Variants in GSE1 observed in about 807,000 individuals in gnomAD.
GSE1 encodes Gse1 coiled-coil protein, also known as genetic suppressor element 1.
In GSE1, 32 loss-of-function variants were observed where a neutral mutation model predicts 112.6. The observed-to-expected ratio is 0.28, with a 90% CI of 0.21 to 0.38. GSE1 has a LOEUF of 0.38. Among genes scored for constraint, GSE1 ranks in the 10% least tolerant of loss-of-function variants. The pLI is 1.00. For synonymous variants in GSE1, 1,115 were observed against 735.6 expected (o/e 1.52, Z -8.35); for missense variants, 2,348 against 1,699.2 (o/e 1.38, Z -6.71).
rs545579509 is a variant in GSE1 at position 85,675,328 on chromosome 16, C to T, written c.*2789C>T. The T allele has an allele frequency of 3.9e-5, 6 of 152,230 alleles. 1 individual carries two copies. The highest frequency in any genetic ancestry group is 3.3e-4 in the Admixed American group (5 of 15,284). 9.4% of individuals were successfully genotyped at this position (152,230 alleles called of 1,614,324 possible). On this transcript the variant is annotated 3_prime_UTR_variant, in exon 16 of 16. Transcript: ENST00000253458. Reference sequence around the variant, plus strand: ...TGTCCCTCTGCAGAGGGATACCTTCCAATAGTAAATTATCTGGTTCCTCAC... The same window carrying T: ...TGTCCCTCTGCAGAGGGATACCTTCTAATAGTAAATTATCTGGTTCCTCAC...
rs928354361 is a variant in GSE1 at position 85,673,729 on chromosome 16, A to G, written c.*1190A>G. On this transcript the variant is annotated 3_prime_UTR_variant, in exon 16 of 16. Coordinates refer to ENST00000253458, the MANE Select transcript of GSE1 (RefSeq NM_014615.5). ...GACAAGCTAATAGCAAATATTACCC[A>G]TTGCTATCAAGGGAGGAGGGGGTAG... The G allele has an allele frequency of 2.0e-5, 3 of 152,082 alleles. No individual in the cohort carries two copies. The highest frequency in any genetic ancestry group is 6.5e-5 in the Admixed American group (1 of 15,274). 9.4% of individuals were successfully genotyped at this position (152,082 alleles called of 1,614,324 possible).
At chr16:85,645,151 T>A (rs1007377590) in intron 2 of GSE1, among the ~76,000 whole-genome samples, 1 of 150,912 alleles carries the variant, frequency 6.6e-6, no homozygotes, top group African/African-American at 2.4e-5. Flanking sequence ...CGACTTGGGG[T>A]GGTGGAGTTC....
Position 85,169,925 on chromosome 16 carries a change from C to T in GSE1, c.401C>T (p.Ala134Val), listed in dbSNP as rs1421564440. ...GGCGGCCGCCGTGGCGGCGCCGGGG[C>T]CCCCCGCGAGTGGAACGTCGCCTAC... The change falls in exon 1 of 3, where the codon GCC (alanine) becomes GTC (valine). Residue 134 changes from alanine to valine, a missense_variant. Transcript: ENST00000637419. 18 of 984,240 alleles carry T rather than the reference C, an allele frequency of 1.8e-5. No homozygotes were observed. In the South Asian group the frequency reaches 3.8e-4, roughly 21 times the overall value. 61.0% of individuals were successfully genotyped at this position (984,240 alleles called of 1,614,324 possible).
intron 1 of GSE1, among the ~76,000 whole-genome samples, chr16:85,618,181 C>CTT (rs2048498718): frequency 6.6e-6 from 1 of 152,054 alleles, no homozygotes; most frequent in African/African-American, 2.4e-5. Context: ...GTAATAGTGG[C>CTT]TTTGGGATCA....
chr16:85,327,464 A>C (rs561400470), intron 1 of GSE1, among the ~76,000 whole-genome samples: 203 of 152,272 alleles, frequency 1.3e-3, no homozygotes, highest in African/African-American at 4.5e-3. Context: ...TTAGCTGGGC[A>C]TGGTGGCACA....
chr16:85,310,282 A>G (rs550993624), intron 1 of GSE1, among the ~76,000 whole-genome samples: 37 of 152,198 alleles, frequency 2.4e-4, no homozygotes, highest in Non-Finnish European at 4.4e-4. Flanking sequence ...ACATCTGGAA[A>G]TGGGAACAGT....
chr16:85,440,924 C>T (rs570458442), intron 2 of GSE1, among the ~76,000 whole-genome samples: 4 of 152,304 alleles, frequency 2.6e-5, no homozygotes, highest in Admixed American at 6.5e-5. Context: ...TGCGGGGCCT[C>T]GTGGCAATTC....
intron 1 of GSE1, among the ~76,000 whole-genome samples, chr16:85,600,361 C>A (rs2047408550): frequency 6.6e-6 from 1 of 152,014 alleles, no homozygotes; most frequent in East Asian, 1.9e-4. Flanking sequence ...CCATGTGGGC[C>A]AAGGGGAGGG....
intron 3 of GSE1, among the ~76,000 whole-genome samples, 198 bp from the exon 4 acceptor site, chr16:85,654,080 G>A (rs1216583891): frequency 1.3e-5 from 2 of 152,146 alleles, no homozygotes; most frequent in East Asian, 1.9e-4. Flanking sequence ...CAGACCTGTC[G>A]CAGCCACATC....
intron 3 of GSE1, among the ~76,000 whole-genome samples, chr16:85,651,042 CT>C (rs2051298606): frequency 3.3e-5 from 4 of 120,312 alleles, no homozygotes; most frequent in East Asian, 2.5e-4. Flanking sequence ...CCCCCTCCCC[CT>C]CCGCCCCTCC....
chr16:85,425,276 G>A (rs1164897490), intron 2 of GSE1, among the ~76,000 whole-genome samples: 3 of 152,226 alleles, frequency 2.0e-5, no homozygotes, highest in Non-Finnish European at 4.4e-5. Context: ...AGGTGCTGGA[G>A]GACCCAGAAG....
chr16:85,551,397 G>A (rs113912500), upstream of GSE1, among the ~76,000 whole-genome samples: 33 of 152,322 alleles, frequency 2.2e-4, no homozygotes, highest in African/African-American at 7.5e-4. Context: ...CTCAGAGGCA[G>A]GGGTGCTGCA....
chr16:85,403,668 AG>A (rs1211964127), intron 2 of GSE1, among the ~76,000 whole-genome samples: 2 of 151,914 alleles, frequency 1.3e-5, no homozygotes, highest in Non-Finnish European at 2.9e-5. Flanking sequence ...CGGGTATGGT[AG>A]CACATGCCTG....
At position 85,429,594 on chromosome 16, in the gene GSE1, T is replaced by G. The variant is rs150820948; in HGVS notation, c.2464+71951T>G. On this transcript the variant is annotated intron_variant, in intron 2 of 2. Coordinates refer to the GSE1 transcript ENST00000637419. Reference sequence around the variant, plus strand: ...TGGCCTCAAAGCCTGGTGTGATCTGTTCCATGGCCCCCAGCATCTCCTGTC... The same window carrying G: ...TGGCCTCAAAGCCTGGTGTGATCTGGTCCATGGCCCCCAGCATCTCCTGTC... 5.7e-3 allele frequency among the ~76,000 whole-genome samples: 862 copies of G among 152,284 alleles called. 4 individuals are homozygous for G. Among genetic ancestry groups the G allele is most frequent in the African/African-American group, 0.02 (817 of 41,554 alleles).
At chr16:85,553,667 G>T (rs566585109), upstream of GSE1, among the ~76,000 whole-genome samples, 2 of 152,224 alleles carry the variant, frequency 1.3e-5, no homozygotes, top group Non-Finnish European at 2.9e-5. Context: ...GCGGGGAAGA[G>T]CGCCACCCCT....
At chr16:85,176,009 G>T (rs2074456177) in intron 1 of GSE1, among the ~76,000 whole-genome samples, 1 of 152,070 alleles carries the variant, frequency 6.6e-6, no homozygotes, top group Non-Finnish European at 1.5e-5. Flanking sequence ...TTTGTTTTGA[G>T]ACAGGGTCTC....
rs79086610 is a variant in GSE1, at chr16:85,253,584, A to G, written c.2283+81777A>G. On this transcript the variant is annotated intron_variant, in intron 1 of 2. Transcript: ENST00000637419. ...TCACCCTCCCAGGGCTCACTGTGCC[A>G]GGGTGGGCTATGGCACAGTGTGATT... Among the ~76,000 whole-genome samples the G allele has an allele frequency of 8.7e-3, 1,320 of 152,318 alleles. 26 individuals are homozygous for G. The highest frequency in any genetic ancestry group is 0.029 in the African/African-American group (1,223 of 41,576).
At chr16:85,376,031 A>C (rs113198893) in intron 2 of GSE1, among the ~76,000 whole-genome samples, 164 of 151,972 alleles carry the variant, frequency 1.1e-3, no homozygotes, top group Middle Eastern at 6.8e-3. Context: ...CCCACACTCC[A>C]ACTTGGCCTC....
intron 2 of GSE1, among the ~76,000 whole-genome samples, chr16:85,389,682 C>T (rs1653128712): frequency 6.6e-6 from 1 of 152,126 alleles, no homozygotes; most frequent in Non-Finnish European, 1.5e-5. Flanking sequence ...ACGGCTGAGC[C>T]CCCAAGGTCT....
Sources: gnomAD v4.1 joint callset for allele counts (sites outside exome capture counted in the v4.1 genomes callset) on GRCh38, gnomAD v4.1.1 for gene constraint, MANE v1.5 for transcripts, NCBI Gene and HGNC (gene_info 2026-07-23, HGNC 2026-07-21) for gene names.